Variants in PITRM1 observed in about 807,000 individuals in gnomAD.
PITRM1 encodes pitrilysin metallopeptidase 1.
A neutral mutation model predicts 129.9 loss-of-function variants in PITRM1; 100 were observed. That is an observed-to-expected ratio of 0.77 (90% CI 0.65 to 0.91). The LOEUF is 0.91. PITRM1 is among the 40% of genes least tolerant of loss of function. PITRM1 has a pLI of 0.00. For synonymous variants in PITRM1, 591 were observed against 508.8 expected (o/e 1.16, Z -2.17); for missense variants, 1,471 against 1,318.3 (o/e 1.12, Z -1.79).
chr10:3,172,626 C>A, intron 1 of PITRM1, 91 bp downstream of exon 1: 3 of 1,182,242 alleles, frequency 2.5e-6, no homozygotes, highest in Non-Finnish European at 3.4e-6. Flanking sequence ...GCCCCGGGCG[C>A]AGGGACGAGG....
At position 3,158,780 on chromosome 10, in the gene PITRM1, C is replaced by T. The variant is rs1054492720; in HGVS notation, c.1136+134G>A. 39 of 807,526 alleles carry T rather than the reference C, an allele frequency of 4.8e-5. 1 individual carries two copies. The highest frequency in any genetic ancestry group is 1.1e-4 in the South Asian group (6 of 53,400). 50.0% of individuals were successfully genotyped at this position (807,526 alleles called of 1,614,324 possible). A position where few individuals can be genotyped will look rare whatever the true frequency, so the allele number is the denominator to read the frequency against. On this transcript the variant is annotated intron_variant, in intron 10 of 26. Coordinates refer to ENST00000224949, the MANE Select transcript of PITRM1 (RefSeq NM_014889.4). The stretch of plus-strand genomic sequence containing the variant: ...AGCAACTTCCTGGTCCGCCATCTTC[C>T]GATTATAGCAATCAAAAATCCAAAA...
intron 10 of PITRM1, 78 bp from the exon 11 acceptor site, chr10:3,158,231 A>G (rs1211392578): frequency 1.8e-5 from 15 of 821,668 alleles, no homozygotes; most frequent in Non-Finnish European, 3.0e-5. Flanking sequence ...TGATTTAAAG[A>G]TCAGAACGAA....
In PITRM1 at chr10:3,163,787, C is replaced by G. The variant is rs765431576; in HGVS notation, c.729G>C (p.Pro243=). The part of the protein sequence containing the change: ...VVSGGDPLCI[P]ELTWEQLKQF... ...GCTTAAGCTGCTCCCATGTAAGCTC[C>G]GGGATGCACAGTGGGTCACCCCCGG... Residue 243 remains proline, a synonymous_variant, in exon 7 of 27, where the codon CCG becomes CCC. Transcript: ENST00000224949. 6.2e-7 allele frequency: 1 copy of G among 1,613,220 alleles called. No homozygotes were observed. Among genetic ancestry groups the G allele is most frequent in the South Asian group, 1.1e-5 (1 of 90,906 alleles).
upstream of PITRM1, chr10:3,172,788 C>A (rs1237676318): frequency 1.3e-6 from 2 of 1,510,246 alleles, no homozygotes; most frequent in Non-Finnish European, 1.8e-6. Context: ...ATGACGAGCA[C>A]CTGGCTGGCG....
In PITRM1 at chr10:3,170,609, A is replaced by G. The variant is rs555346324; in HGVS notation, c.57-403T>C. 1.4e-3 allele frequency among the ~76,000 whole-genome samples: 215 copies of G among 152,320 alleles called. 1 individual carries two copies. Among genetic ancestry groups the G allele is most frequent in the Middle Eastern group, 0.01 (3 of 294 alleles). ...TTACATGCCTACCGAATTGCTGAAA[A>G]CTTAAAAAGCCTAATATTACCGGGA... is the stretch of plus-strand genomic sequence containing the variant. On this transcript the variant is annotated intron_variant, in intron 1 of 26. Transcript: ENST00000224949.
At chr10:3,169,079 C>T (rs549031098) in intron 2 of PITRM1, among the ~76,000 whole-genome samples, 6 of 152,172 alleles carry the variant, frequency 3.9e-5, no homozygotes, top group East Asian at 3.9e-4. Flanking sequence ...CCAGCCTGGG[C>T]GACAGGGTGA....
intron 9 of PITRM1, among the ~76,000 whole-genome samples, chr10:3,159,390 G>GAGGGCCC (rs1445916007): frequency 2.0e-5 from 3 of 152,234 alleles, no homozygotes; most frequent in Non-Finnish European, 4.4e-5. Context: ...CTGAGCACGG[G>GAGGGCCC]AGGGCCCAGA....
In PITRM1 at chr10:3,144,296, AC is replaced by A; in HGVS notation, c.2527del (p.Val843SerfsTer11). 1 of 1,551,892 alleles carries A rather than the reference AC, an allele frequency of 6.4e-7. No homozygotes were observed. Among genetic ancestry groups the A allele is most frequent in the Non-Finnish European group, 8.7e-7 (1 of 1,144,622 alleles). ...PHGSQVIRKL[V>X]MEPTFKPWQM... ...CGGATGGGCTGTGGTTCTTACCATGACCAGCTTCCTAATGACCTGGGAGCCA... is the reference window on the plus strand; with the variant it reads ...CGGATGGGCTGTGGTTCTTACCATGACAGCTTCCTAATGACCTGGGAGCCA... On this transcript the variant is annotated frameshift_variant, in exon 22 of 27. Transcript: ENST00000224949. LOFTEE classifies it high-confidence loss of function.
Position 3,165,294 on chromosome 10 carries a change from G to A in PITRM1, c.574C>T (p.Pro192Ser), listed in dbSNP as rs535299514. 23 of 1,588,432 alleles carry A rather than the reference G, an allele frequency of 1.4e-5. No homozygotes were observed. In the South Asian group the frequency reaches 2.3e-4, roughly 16 times the overall value. The part of the protein sequence containing the change: ...WRLEHENPSD[P>S]QTPLVFKGVV... ...CCTTTAAAGACCAAGGGCGTCTGGG[G>A]GTCGCTCGGATTCTCATGTTCCAGC... The change falls in exon 6 of 27, where the codon CCC becomes TCC. Residue 192 changes from proline (P) to serine (S), a missense_variant. Physicochemically the swap from Pro to Ser is moderately conservative, Grantham distance 74. Coordinates refer to ENST00000224949, the MANE Select transcript of PITRM1 (RefSeq NM_014889.4).
chr10:3,138,842 GA>G (rs752391885), intron 25 of PITRM1, 61 bp downstream of exon 25: 1 of 1,556,190 alleles, frequency 6.4e-7, no homozygotes, highest in Non-Finnish European at 8.9e-7. Context: ...CGGGAACTTG[GA>G]AAACAGCAAC....
chr10:3,152,189 T>C (rs1048630796), intron 14 of PITRM1, among the ~76,000 whole-genome samples: 1 of 152,224 alleles, frequency 6.6e-6, no homozygotes, highest in South Asian at 2.1e-4. Context: ...AGGCAGCACC[T>C]TCACAGCAGA....
intron 18 of PITRM1, 95 bp from the exon 19 acceptor site, chr10:3,147,832 C>A (rs1841062712): frequency 1.6e-6 from 2 of 1,286,148 alleles, no homozygotes; most frequent in South Asian, 1.4e-5. Context: ...AGTACTTTAA[C>A]AACCAAAGAA....
At chr10:3,138,854 G>T in intron 25 of PITRM1, 50 bp downstream of exon 25, 1 of 1,588,686 alleles carries the variant, frequency 6.3e-7, no homozygotes, top group Non-Finnish European at 8.6e-7. Context: ...AAACAGCAAC[G>T]TCATCTGTGA....
At chr10:3,172,591 A>G in intron 1 of PITRM1, 126 bp downstream of exon 1, 1 of 844,572 alleles carries the variant, frequency 1.2e-6, no homozygotes, top group South Asian at 2.1e-5. Flanking sequence ...GGGGTGCGGG[A>G]CGCCCACAGC....
intron 1 of PITRM1, among the ~76,000 whole-genome samples, chr10:3,170,793 C>T (rs994957498): frequency 2.0e-5 from 3 of 151,910 alleles, no homozygotes; most frequent in Admixed American, 6.6e-5. Flanking sequence ...GTCAGGAGTT[C>T]GAGACCAGCC....
In PITRM1 at chr10:3,147,572, C is replaced by T; in HGVS notation, c.2235G>A (p.Gln745=). 6.2e-7 allele frequency: 1 copy of T among 1,613,960 alleles called. No individual in the cohort carries two copies. Among genetic ancestry groups the T allele is most frequent in the Non-Finnish European group, 8.5e-7 (1 of 1,179,870 alleles). Residue 745 remains glutamine (Q), a splice_region_variant and synonymous_variant, in exon 19 of 27, where the codon CAG becomes CAA. Coordinates refer to ENST00000224949, the MANE Select transcript of PITRM1 (RefSeq NM_014889.4). ...DLQETFSGMD[Q]VRLMKRIAEM... is the part of the protein sequence containing the mutation. ...TAGAGGTTCCTTCCAAGCTTCCCAC[C>T]TGATCCATCCCGCTGAAGGTCTCCT...
chr10:3,167,082 A>G, intron 2 of PITRM1, 40 bp from the exon 3 acceptor site: 1 of 1,252,976 alleles, frequency 8.0e-7, no homozygotes, highest in Non-Finnish European at 1.1e-6. Flanking sequence ...AAACTTAGAC[A>G]AAATGGCCTT....
Position 3,145,679 on chromosome 10 carries a change from TCTGAGGCATCTG to T in PITRM1, c.2362_2373del (p.Gln788_Gln791del). On this transcript the variant is annotated inframe_deletion, in exon 21 of 27. Coordinates refer to ENST00000224949, the MANE Select transcript of PITRM1 (RefSeq NM_014889.4). Reference sequence around the variant, plus strand: ...AGGAAGTCTTCGACCGCTTTTTCTGTCTGAGGCATCTGCTGAGGAGTCGCATTCACTGAACAC... The same window carrying T: ...AGGAAGTCTTCGACCGCTTTTTCTGTCTGAGGAGTCGCATTCACTGAACAC... 1.9e-6 allele frequency: 3 copies of T among 1,551,188 alleles called. No individual in the cohort carries two copies. Among genetic ancestry groups the T allele is most frequent in the Non-Finnish European group, 2.6e-6 (3 of 1,146,700 alleles).
Position 3,138,127 on chromosome 10 carries a change from G to T in PITRM1, c.3021-3C>A. 1 of 1,604,868 alleles carries T rather than the reference G, an allele frequency of 6.2e-7. No homozygotes were observed. The highest frequency in any genetic ancestry group is 8.5e-7 in the Non-Finnish European group (1 of 1,173,778). On this transcript the variant is annotated splice_polypyrimidine_tract_variant and splice_region_variant and intron_variant, in intron 26 of 26. Coordinates refer to ENST00000224949, the MANE Select transcript of PITRM1 (RefSeq NM_014889.4). ...TGCTCTTCCCAGTGCCGAGGTATCT[G>T]AGAGGAAGGCAGGCGTGGTCAGCAA...
Sources: gnomAD v4.1 joint callset for allele counts (sites outside exome capture counted in the v4.1 genomes callset) on GRCh38, gnomAD v4.1.1 for gene constraint, MANE v1.5 for transcripts, NCBI Gene and HGNC (gene_info 2026-07-23, HGNC 2026-07-21) for gene names.